The following TSPAN13 variants were observed in gnomAD, a reference collection of about 807,000 sequenced individuals.
The protein encoded by TSPAN13 is tetraspanin 13.
A neutral mutation model predicts 26.9 loss-of-function variants in TSPAN13; 18 were observed. That is an observed-to-expected ratio of 0.67 (90% CI 0.46 to 0.99). The LOEUF (loss-of-function observed/expected upper bound fraction) is 0.99, where lower values mean the gene tolerates loss of function less well. Among genes scored for constraint, TSPAN13 ranks in the 50% least tolerant of loss-of-function variants. TSPAN13 has a pLI of 0.00. For missense variants in TSPAN13, 201 were observed against 249.6 expected, an observed-to-expected ratio of 0.81 and a Z score of 1.31; for synonymous variants, 116 against 98.4, an observed-to-expected ratio of 1.18 and a Z score of -1.06.
chr7:16,770,980 C>G (rs181477450), intron 1 of TSPAN13, among the ~76,000 whole-genome samples: 4 of 152,240 alleles, frequency 2.6e-5, no homozygotes, highest in Admixed American at 2.0e-4. Context: ...TGTGGTTTTT[C>G]TCTAACCCCT....
intron 1 of TSPAN13, among the ~76,000 whole-genome samples, chr7:16,755,706 CATACT>C (rs915675599): frequency 2.6e-5 from 4 of 152,046 alleles, no homozygotes; most frequent in African/African-American, 9.7e-5. Flanking sequence ...GTCTACTTTG[CATACT>C]TACTTCACTG....
intron 2 of TSPAN13, among the ~76,000 whole-genome samples, chr7:16,776,836 CTAA>C (rs1318991037): frequency 6.6e-6 from 1 of 152,002 alleles, no homozygotes; most frequent in African/African-American, 2.4e-5. Context: ...GTAATTATGA[CTAA>C]TATTTTTCTT....
At chr7:16,766,972 C>T (rs1303862719) in intron 1 of TSPAN13, among the ~76,000 whole-genome samples, 1 of 152,002 alleles carries the variant, frequency 6.6e-6, no homozygotes, top group African/African-American at 2.4e-5. Context: ...CTCTTTGTTG[C>T]CCAGGCTGGA....
At chr7:16,773,538 A>G (rs1024046855) in intron 1 of TSPAN13, among the ~76,000 whole-genome samples, 2 of 152,186 alleles carry the variant, frequency 1.3e-5, no homozygotes, top group African/African-American at 4.8e-5. Flanking sequence ...CTGATAATAA[A>G]TATCTGGCCG....
chr7:16,762,624 A>G (rs1784556610), intron 1 of TSPAN13, among the ~76,000 whole-genome samples: 1 of 152,188 alleles, frequency 6.6e-6, no homozygotes, highest in South Asian at 2.1e-4. Context: ...ATAGAAACCC[A>G]GCTATCACTG....
intron 2 of TSPAN13, 81 bp from the exon 3 acceptor site, chr7:16,776,961 C>T: frequency 1.1e-6 from 1 of 896,538 alleles, no homozygotes; most frequent in South Asian, 1.6e-5. Flanking sequence ...CTTGTGCATT[C>T]TAAAGTTGTC....
At chr7:16,766,600 C>T (rs1281361195) in intron 1 of TSPAN13, among the ~76,000 whole-genome samples, 2 of 152,164 alleles carry the variant, frequency 1.3e-5, no homozygotes, top group Non-Finnish European at 2.9e-5. Flanking sequence ...CCTCCTCTTT[C>T]CTAAATTGGA....
intron 1 of TSPAN13, among the ~76,000 whole-genome samples, chr7:16,760,748 A>C (rs1784533427): frequency 6.6e-6 from 1 of 152,164 alleles, no homozygotes; most frequent in South Asian, 2.1e-4. Flanking sequence ...AAAATTGCAG[A>C]GAGGTTGGTG....
chr7:16,777,088 C>G lies in TSPAN13; in HGVS notation c.278C>G (p.Ser93Cys). The G allele has an allele frequency of 6.2e-7, 1 of 1,613,678 alleles. No homozygotes were observed. Among genetic ancestry groups the G allele is most frequent in the South Asian group, 1.1e-5 (1 of 91,050 alleles). The change falls in exon 3 of 6, where the codon TCT becomes TGT. Residue 93 changes from serine (S) to cysteine (C), a missense_variant. Coordinates refer to ENST00000262067, the MANE Select transcript of TSPAN13 (RefSeq NM_014399.4). ...GTATTTATTGTTCAGTTTTCTGTATCTTGCGCTTGTTTAGCCCTGAACCAG... is the reference window on the plus strand; with the variant it reads ...GTATTTATTGTTCAGTTTTCTGTATGTTGCGCTTGTTTAGCCCTGAACCAG... ...LLVFIVQFSVSCACLALNQEQ... is the reference protein window; with the variant it reads ...LLVFIVQFSVCCACLALNQEQ...
intron 1 of TSPAN13, among the ~76,000 whole-genome samples, chr7:16,767,349 T>G (rs934297955): frequency 1.3e-5 from 2 of 152,252 alleles, no homozygotes; most frequent in Non-Finnish European, 2.9e-5. Flanking sequence ...TTTATGCAAC[T>G]TGTCTGATTT....
rs1784517719 is a variant in TSPAN13, at chr7:16,759,505, C to T, written c.63+5475C>T. Among the ~76,000 whole-genome samples, 2 of 152,110 alleles carry T rather than the reference C, an allele frequency of 1.3e-5. 1 individual carries two copies. The highest frequency in any genetic ancestry group is 4.1e-4 in the South Asian group (2 of 4,820). On this transcript the variant is annotated intron_variant, in intron 1 of 5. Coordinates refer to ENST00000262067, the MANE Select transcript of TSPAN13 (RefSeq NM_014399.4). ...GGATCCACCCCTACGAATCACCTCCCTCCAGGCCCCACCTCCAACATTGGG... is the reference window on the plus strand; with the variant it reads ...GGATCCACCCCTACGAATCACCTCCTTCCAGGCCCCACCTCCAACATTGGG...
chr7:16,761,183 A>T (rs1195341723), intron 1 of TSPAN13, among the ~76,000 whole-genome samples: 1 of 152,210 alleles, frequency 6.6e-6, no homozygotes, highest in African/African-American at 2.4e-5. Flanking sequence ...CCTAGTAAGT[A>T]TAAAAGCAGT....
rs765917644 is a variant in TSPAN13 at position 16,777,881 on chromosome 7, A to T, written c.396A>T (p.Arg132=). 1 of 1,613,738 alleles carries T rather than the reference A, an allele frequency of 6.2e-7. No individual in the cohort carries two copies. Residue 132 remains arginine, a synonymous_variant, in exon 4 of 6, where the codon CGA becomes CGT. Coordinates refer to ENST00000262067, the MANE Select transcript of TSPAN13 (RefSeq NM_014399.4). ...IQRNLNCCGF[R]SVNPNDTCLA... is the part of the protein sequence containing the mutation. ...GAAATCTAAACTGCTGTGGGTTCCG[A>T]AGTGTTAACCCAAATGACACCTGTC...
At chr7:16,763,253 A>G (rs1784566767) in intron 1 of TSPAN13, among the ~76,000 whole-genome samples, 1 of 152,172 alleles carries the variant, frequency 6.6e-6, no homozygotes, top group African/African-American at 2.4e-5. Context: ...TGACAAGGCG[A>G]GAATTTAGAT....
chr7:16,763,321 T>C lies in TSPAN13; in HGVS notation c.63+9291T>C, dbSNP rs145270729. Among the ~76,000 whole-genome samples, 266 of 152,316 alleles carry C rather than the reference T, an allele frequency of 1.7e-3. 3 individuals carry two copies. Among genetic ancestry groups the C allele is most frequent in the African/African-American group, 6.3e-3 (261 of 41,566 alleles). On this transcript the variant is annotated intron_variant, in intron 1 of 5. Coordinates refer to ENST00000262067, the MANE Select transcript of TSPAN13 (RefSeq NM_014399.4). ...GAAGGTAAATAGGATCAGTGCAATT[T>C]TGCAGGTATTGAAAGTTTATGATCA...
At chr7:16,761,040 G>T (rs1324533814) in intron 1 of TSPAN13, among the ~76,000 whole-genome samples, 1 of 152,154 alleles carries the variant, frequency 6.6e-6, no homozygotes. Context: ...AGAAGGAAGT[G>T]GTAGAGTGGG....
In TSPAN13 at chr7:16,753,800, GC is replaced by G; in HGVS notation, c.-166del. 2.0e-6 allele frequency: 1 copy of G among 495,662 alleles called. No homozygotes were observed. Among genetic ancestry groups the G allele is most frequent in the Non-Finnish European group, 3.1e-6 (1 of 317,838 alleles). The allele number at this position is 495,662 out of a possible 1,614,324, so 30.7% of individuals were successfully genotyped here. On this transcript the variant is annotated 5_prime_UTR_variant, in exon 1 of 6. Coordinates refer to ENST00000262067, the MANE Select transcript of TSPAN13 (RefSeq NM_014399.4). ...GCAGGTTCCAAAGCGGGTCCGAGCCGCCGCCGCGCGCGCGCCGCGCACTGCA... is the reference window on the plus strand; with the variant it reads ...GCAGGTTCCAAAGCGGGTCCGAGCCGCGCCGCGCGCGCGCCGCGCACTGCA...
intron 1 of TSPAN13, among the ~76,000 whole-genome samples, chr7:16,762,866 G>T (rs980216218): frequency 4.6e-5 from 7 of 152,018 alleles, no homozygotes; most frequent in African/African-American, 7.2e-5. Context: ...CTTGTCTTTT[G>T]GGGGGAAACA....
chr7:16,764,501 G>T (rs1222045995), intron 1 of TSPAN13, among the ~76,000 whole-genome samples: 2 of 152,042 alleles, frequency 1.3e-5, no homozygotes, highest in East Asian at 1.9e-4. Context: ...GTGCTCTTCT[G>T]CTTGTATGTG....
Sources: gnomAD v4.1 joint callset for allele counts (sites outside exome capture counted in the v4.1 genomes callset) on GRCh38, gnomAD v4.1.1 for gene constraint, MANE v1.5 for transcripts, NCBI Gene and HGNC (gene_info 2026-07-23, HGNC 2026-07-21) for gene names.